Variants in DPP3 observed in about 807,000 individuals in gnomAD.
DPP3 encodes the protein DPP III.
In DPP3, 64 loss-of-function variants were observed where a neutral mutation model predicts 89.8. The observed-to-expected ratio is 0.71, with a 90% CI of 0.58 to 0.88. The LOEUF (loss-of-function observed/expected upper bound fraction) is 0.88, where lower values mean the gene tolerates loss of function less well. Ranked by LOEUF, DPP3 falls within the 40% of genes least tolerant of loss-of-function variation. DPP3 has a pLI of 0.00. For missense variants in DPP3, 835 were observed against 972.5 expected (o/e 0.86, Z 1.88); for synonymous variants, 377 against 404.3 (o/e 0.93, Z 0.81).
chr11:66,501,093 C>G (rs1473429411), intron 16 of DPP3, among the ~76,000 whole-genome samples: 1 of 151,818 alleles, frequency 6.6e-6, no homozygotes, highest in African/African-American at 2.4e-5. Flanking sequence ...GAGGCTGAGG[C>G]AGGAGAATCG....
chr11:66,507,687 GTT>G (rs371473944), intron 17 of DPP3, among the ~76,000 whole-genome samples: 2,991 of 125,612 alleles, frequency 0.024, 75 homozygotes, highest in African/African-American at 0.07. Flanking sequence ...ACTGTAAAAA[GTT>G]TTTTTTTTTT....
At chr11:66,487,868 G>A in intron 5 of DPP3, 46 bp from the exon 6 acceptor site, 1 of 1,578,292 alleles carries the variant, frequency 6.3e-7, no homozygotes, top group Admixed American at 1.7e-5. Flanking sequence ...CCACCCCACT[G>A]CCCTCTCCAG....
At chr11:66,486,374 A>G (rs1855227146) in intron 3 of DPP3, among the ~76,000 whole-genome samples, 166 bp from the exon 4 acceptor site, 1 of 152,064 alleles carries the variant, frequency 6.6e-6, no homozygotes, top group Non-Finnish European at 1.5e-5. Context: ...GCCACCACAC[A>G]TGGACGCTTG....
chr11:66,497,083 C>T (rs1231527289), intron 15 of DPP3, among the ~76,000 whole-genome samples: 1 of 152,142 alleles, frequency 6.6e-6, no homozygotes, highest in East Asian at 1.9e-4. Context: ...GGCAGCCTGC[C>T]CTCTCTGTGA....
chr11:66,504,890 G>A, intron 17 of DPP3, 116 bp downstream of exon 17: 1 of 1,172,896 alleles, frequency 8.5e-7, no homozygotes, highest in Non-Finnish European at 1.1e-6. Flanking sequence ...AGCCTGGGAT[G>A]GCCCTTCCCT....
chr11:66,504,896 T>A, intron 17 of DPP3, 122 bp downstream of exon 17: 1 of 1,113,784 alleles, frequency 9.0e-7, no homozygotes, highest in Non-Finnish European at 1.2e-6. Context: ...GGATGGCCCT[T>A]CCCTTTCTGC....
At chr11:66,492,691 C>T in intron 9 of DPP3, 25 bp from the exon 10 acceptor site, 1 of 1,546,170 alleles carries the variant, frequency 6.5e-7, no homozygotes, top group Non-Finnish European at 8.7e-7. Flanking sequence ...CCCTGCCAAG[C>T]CACAACCCCC....
chr11:66,495,372 G>A lies in DPP3; in HGVS notation c.1460G>A (p.Ser487Asn), dbSNP rs1855505952. 6.2e-7 allele frequency: 1 copy of A among 1,613,810 alleles called. No individual in the cohort carries two copies. The change falls in exon 14 of 18, where the codon AGC becomes AAC. Residue 487 changes from serine to asparagine, a missense_variant. Coordinates refer to ENST00000531863, the MANE Select transcript of DPP3 (RefSeq NM_130443.4). ...GTGGAGCTCCTTTTCCAGATTCAGAGCTGGTATCGGAGCGGGGAGACCTGG... is the reference window on the plus strand; with the variant it reads ...GTGGAGCTCCTTTTCCAGATTCAGAACTGGTATCGGAGCGGGGAGACCTGG... Reference protein sequence around the residue: ...INPETGEQIQSWYRSGETWDS... With the variant: ...INPETGEQIQNWYRSGETWDS...
At chr11:66,490,758 GT>G (rs984901930) in intron 6 of DPP3, among the ~76,000 whole-genome samples, 1 of 142,044 alleles carries the variant, frequency 7.0e-6, no homozygotes, top group Non-Finnish European at 1.6e-5. Flanking sequence ...GTTTTGTTTT[GT>G]TTTTTTTGTT....
At chr11:66,497,764 A>G (rs1855576799) in intron 16 of DPP3, among the ~76,000 whole-genome samples, 1 of 151,828 alleles carries the variant, frequency 6.6e-6, no homozygotes, top group South Asian at 2.1e-4. Context: ...GGTAGTGCGC[A>G]CCTGTAGTTC....
intron 9 of DPP3, among the ~76,000 whole-genome samples, chr11:66,492,071 G>T (rs892055317): frequency 6.6e-6 from 1 of 152,200 alleles, no homozygotes; most frequent in Non-Finnish European, 1.5e-5. Context: ...TCTGGTGTCT[G>T]GTCAGGGCAC....
At chr11:66,488,423 G>A (rs933720311) in intron 6 of DPP3, among the ~76,000 whole-genome samples, 12 of 152,170 alleles carry the variant, frequency 7.9e-5, no homozygotes, top group East Asian at 3.9e-4. Flanking sequence ...TTAGCCGGGC[G>A]TGGTGGCGTG....
In DPP3 at chr11:66,495,630, G is replaced by T. The variant is rs201399326; in HGVS notation, c.1578G>T (p.Glu526Asp). 4 of 1,614,176 alleles carry T rather than the reference G, an allele frequency of 2.5e-6. No individual in the cohort carries two copies. In the South Asian group the frequency reaches 3.3e-5, roughly 13 times the overall value. The part of the protein sequence containing the change: ...LYLCLHPQVL[E>D]IFGFEGADAE... ...TGCCACCTGCCTGCCCCTCTCACAGGATCTTTGGCTTTGAGGGGGCTGATG... is the reference window on the plus strand; with the variant it reads ...TGCCACCTGCCTGCCCCTCTCACAGTATCTTTGGCTTTGAGGGGGCTGATG... The change falls in exon 15 of 18, where the codon GAG (glutamate) becomes GAT (aspartate). Residue 526 changes from glutamate to aspartate, a missense_variant and splice_region_variant. By Grantham distance (45) the Glu-to-Asp change is conservative. Transcript: ENST00000531863.
At position 66,498,977 on chromosome 11, in the gene DPP3, C is replaced by T. The variant is rs73503369; in HGVS notation, c.1878+1500C>T. Reference sequence around the variant, plus strand: ...GCAGTGAGCCCTGATCACCACTGCACTCTAGCCTGGGTGACAGAACTAGAT... The same window carrying T: ...GCAGTGAGCCCTGATCACCACTGCATTCTAGCCTGGGTGACAGAACTAGAT... On this transcript the variant is annotated intron_variant, in intron 16 of 17. Coordinates refer to ENST00000531863, the MANE Select transcript of DPP3 (RefSeq NM_130443.4). 6.9e-3 allele frequency among the ~76,000 whole-genome samples: 1,056 copies of T among 152,266 alleles called. 9 individuals are homozygous for T. Among genetic ancestry groups the T allele is most frequent in the African/African-American group, 0.024 (987 of 41,552 alleles).
chr11:66,482,391 G>A lies in DPP3; in HGVS notation c.191G>A (p.Ser64Asn). ...GCCCCCTACATCTATGCTCTGCTCAGCCGCCTCTTCCGCGCCCAGGACCCC... is the reference window on the plus strand; with the variant it reads ...GCCCCCTACATCTATGCTCTGCTCAACCGCCTCTTCCGCGCCCAGGACCCC... ...PEAPYIYALL[S>N]RLFRAQDPDQ... Residue 64 changes from serine (S) to asparagine (N), a missense_variant, in exon 2 of 18, where the codon AGC (serine) becomes AAC (asparagine). Transcript: ENST00000531863. The A allele has an allele frequency of 6.2e-7, 1 of 1,611,538 alleles. No individual in the cohort carries two copies.
In DPP3 at chr11:66,495,729, T is replaced by A; in HGVS notation, c.1677T>A (p.Pro559=). 6.2e-7 allele frequency: 1 copy of A among 1,611,678 alleles called. No individual in the cohort carries two copies. The highest frequency in any genetic ancestry group is 8.5e-7 in the Non-Finnish European group (1 of 1,179,128). ...AGLLALEFYT[P]EAFNWRQAHM... ...TGCTCGCTCTGGAGTTCTACACACCTGAGGCCTTCAACTGGCGACAGGTAG... is the reference window on the plus strand; with the variant it reads ...TGCTCGCTCTGGAGTTCTACACACCAGAGGCCTTCAACTGGCGACAGGTAG... Residue 559 remains proline, a synonymous_variant, in exon 15 of 18, where the codon CCT becomes CCA. Coordinates refer to ENST00000531863, the MANE Select transcript of DPP3 (RefSeq NM_130443.4).
At chr11:66,489,190 A>T in intron 6 of DPP3, among the ~76,000 whole-genome samples, 1 of 151,994 alleles carries the variant, frequency 6.6e-6, no homozygotes, top group East Asian at 1.9e-4. Flanking sequence ...TGCACAATCC[A>T]TTCCCTGCTT....
Position 66,496,403 on chromosome 11 carries a change from G to A in DPP3, c.1698+653G>A, listed in dbSNP as rs566907280. On this transcript the variant is annotated intron_variant, in intron 15 of 17. Coordinates refer to ENST00000531863, the MANE Select transcript of DPP3 (RefSeq NM_130443.4). ...GGACTATAGGCGCACCACCACACCCGGCTAATTTTTTGTATTTTTTTTTTC... is the reference window on the plus strand; with the variant it reads ...GGACTATAGGCGCACCACCACACCCAGCTAATTTTTTGTATTTTTTTTTTC... 2.5e-4 allele frequency among the ~76,000 whole-genome samples: 37 copies of A among 150,154 alleles called. No homozygotes were observed. In the East Asian group the frequency reaches 5.6e-3, roughly 23 times the overall value.
At chr11:66,488,433 G>T (rs1855293383) in intron 6 of DPP3, among the ~76,000 whole-genome samples, 1 of 152,126 alleles carries the variant, frequency 6.6e-6, no homozygotes, top group Admixed American at 6.5e-5. Flanking sequence ...GTGGTGGCGT[G>T]TGCCTGTAAT....
Sources: gnomAD v4.1 joint callset for allele counts (sites outside exome capture counted in the v4.1 genomes callset) on GRCh38, gnomAD v4.1.1 for gene constraint, MANE v1.5 for transcripts, NCBI Gene and HGNC (gene_info 2026-07-23, HGNC 2026-07-21) for gene names.